Variants in UXS1 observed in about 807,000 individuals in gnomAD.
UXS1 encodes UDP-glucuronate decarboxylase 1.
Under a neutral mutation model 62.6 loss-of-function variants are expected in UXS1, and 33 were observed. That is an observed-to-expected ratio of 0.53 (90% CI 0.40 to 0.70). The LOEUF (loss-of-function observed/expected upper bound fraction) is 0.70, where lower values mean the gene tolerates loss of function less well. UXS1 is among the 30% of genes least tolerant of loss of function. UXS1 has a pLI of 0.00. For synonymous variants in UXS1, 213 were observed against 206.8 expected, an observed-to-expected ratio of 1.03 and a Z score of -0.26; for missense variants, 434 against 556.3, an observed-to-expected ratio of 0.78 and a Z score of 2.21.
chr2:106,173,718 T>A (rs1027356775), intron 1 of UXS1, among the ~76,000 whole-genome samples: 1 of 152,248 alleles, frequency 6.6e-6, no homozygotes, highest in Non-Finnish European at 1.5e-5. Context: ...CACAACTTTA[T>A]TGAAGGACAC....
chr2:106,102,104 T>G (rs1356834989), intron 11 of UXS1: 1 of 152,256 alleles, frequency 6.6e-6, no homozygotes, highest in Non-Finnish European at 1.5e-5. Context: ...TTCTGCGTTT[T>G]CCTTTACGAC....
At chr2:106,193,776 C>T (rs1229996800) in intron 1 of UXS1, among the ~76,000 whole-genome samples, 1 of 152,136 alleles carries the variant, frequency 6.6e-6, no homozygotes, top group Non-Finnish European at 1.5e-5. Flanking sequence ...CCAAGGGTAT[C>T]CCCACGCGGC....
Position 106,122,987 on chromosome 2 carries a change from A to G in UXS1, c.742T>C (p.Tyr248His). Reference protein sequence around the residue: ...EGKRVAETMCYAYMKQEGVEV... With the variant: ...EGKRVAETMCHAYMKQEGVEV... ...TGAAATACCTGCTTCATGTAGGCAT[A>G]GCACATGGTCTCTGCAACACGTTTG... Residue 248 changes from tyrosine to histidine, a missense_variant, in exon 9 of 15, where the codon TAT becomes CAT. By Grantham distance (83) the Tyr-to-His change is moderately conservative (BLOSUM62 2). Transcript: ENST00000283148. 3.1e-6 allele frequency: 5 copies of G among 1,613,910 alleles called. No homozygotes were observed. Among genetic ancestry groups the G allele is most frequent in the Non-Finnish European group, 4.2e-6 (5 of 1,179,824 alleles).
In UXS1 at chr2:106,094,113, A is replaced by T. The variant is rs1010666517; in HGVS notation, c.1191T>A (p.Arg397=). Residue 397 remains arginine, a synonymous_variant, in exon 15 of 15, where the codon CGT becomes CGA. Coordinates refer to ENST00000283148, the MANE Select transcript of UXS1 (RefSeq NM_001253875.2). The stretch of plus-strand genomic sequence containing the variant: ...TATTTGCCTGGTACTCGAGTTCTTT[A>T]CGGAAGTAGTGAATTGCTTTGTTTA... The part of the protein sequence containing the change: ...EGLNKAIHYF[R]KELEYQANNQ... The T allele has an allele frequency of 6.2e-7, 1 of 1,612,506 alleles. No homozygotes were observed. Among genetic ancestry groups the T allele is most frequent in the Non-Finnish European group, 8.5e-7 (1 of 1,179,764 alleles).
intron 1 of UXS1, among the ~76,000 whole-genome samples, 175 bp downstream of exon 1, chr2:106,193,973 C>A (rs1685105497): frequency 6.6e-6 from 1 of 151,960 alleles, no homozygotes; most frequent in Admixed American, 6.5e-5. Context: ...CCCAAGTTGG[C>A]CCGCTTTGCT....
rs140550697 is a variant in UXS1, at chr2:106,100,124, G to A, written c.984+934C>T. On this transcript the variant is annotated intron_variant, in intron 12 of 14. Coordinates refer to ENST00000283148, the MANE Select transcript of UXS1 (RefSeq NM_001253875.2). ...GAGAAGCACCTGAAATGACCCCAAG[G>A]TAGGGTTAAGGGGGAGGTCTCTGTG... Among the ~76,000 whole-genome samples, 94 of 152,358 alleles carry A rather than the reference G, an allele frequency of 6.2e-4. 1 individual carries two copies. In the East Asian group the frequency reaches 0.017, roughly 28 times the overall value.
chr2:106,130,193 A>C lies in UXS1; in HGVS notation c.473-415T>G, dbSNP rs138365984. On this transcript the variant is annotated intron_variant, in intron 6 of 14. Coordinates refer to ENST00000283148, the MANE Select transcript of UXS1 (RefSeq NM_001253875.2). ...CCAAAGACACAGAACTATGGGAGAA[A>C]GTAGCCTCTCGTTTGTTTTTATGCA... Among the ~76,000 whole-genome samples the C allele has an allele frequency of 4.8e-3, 728 of 152,234 alleles. 8 individuals carry two copies. Among genetic ancestry groups the C allele is most frequent in the African/African-American group, 0.017 (704 of 41,518 alleles).
chr2:106,110,974 G>A (rs767263657), intron 10 of UXS1, among the ~76,000 whole-genome samples: 1 of 152,162 alleles, frequency 6.6e-6, no homozygotes, highest in African/African-American at 2.4e-5. Context: ...GCTGGGACAG[G>A]CAGGAGCAAG....
intron 14 of UXS1, among the ~76,000 whole-genome samples, chr2:106,096,390 T>C (rs562451890): frequency 4.6e-4 from 70 of 152,308 alleles, no homozygotes; most frequent in African/African-American, 1.6e-3. Flanking sequence ...TGTGAGTGTG[T>C]GGGAGACAGT....
At chr2:106,192,050 G>A (rs1684966976) in intron 1 of UXS1, among the ~76,000 whole-genome samples, 1 of 152,202 alleles carries the variant, frequency 6.6e-6, no homozygotes, top group Non-Finnish European at 1.5e-5. Context: ...TGAGGTGGGA[G>A]ACAAGCAGTC....
rs148559297 is a variant in UXS1 at position 106,146,223 on chromosome 2, G to A, written c.292-853C>T. On this transcript the variant is annotated intron_variant, in intron 5 of 14. Transcript: ENST00000283148. Reference sequence around the variant, plus strand: ...AAAAGAATAGGCTCAGAAAACAGACGTGCCATGCACAACTCAATTCTCTAG... The same window carrying A: ...AAAAGAATAGGCTCAGAAAACAGACATGCCATGCACAACTCAATTCTCTAG... Among the ~76,000 whole-genome samples, 91 of 152,310 alleles carry A rather than the reference G, an allele frequency of 6.0e-4. 1 individual carries two copies. In the East Asian group the frequency reaches 0.016, roughly 26 times the overall value.
intron 6 of UXS1, among the ~76,000 whole-genome samples, chr2:106,131,055 T>G (rs1210985755): frequency 6.7e-6 from 1 of 149,856 alleles, no homozygotes; most frequent in African/African-American, 2.5e-5. Context: ...GCGCGCACCG[T>G]GCGCGAGCCG....
intron 1 of UXS1, among the ~76,000 whole-genome samples, chr2:106,191,399 C>T (rs979516766): frequency 6.6e-6 from 1 of 152,230 alleles, no homozygotes; most frequent in African/African-American, 2.4e-5. Context: ...ACACAGACAT[C>T]ACGGTTGAGG....
chr2:106,098,068 T>C (rs1433492907), intron 13 of UXS1, among the ~76,000 whole-genome samples: 1 of 152,244 alleles, frequency 6.6e-6, no homozygotes, highest in Non-Finnish European at 1.5e-5. Flanking sequence ...TTGGCCTACC[T>C]GCCAGTCTAG....
intron 9 of UXS1, among the ~76,000 whole-genome samples, chr2:106,121,086 C>A (rs187602395): frequency 6.6e-6 from 1 of 152,262 alleles, no homozygotes; most frequent in South Asian, 2.1e-4. Context: ...ACAGATGACA[C>A]GAACGGGTCC....
At chr2:106,096,226 G>C (rs572776314) in intron 14 of UXS1, among the ~76,000 whole-genome samples, 2 of 152,258 alleles carry the variant, frequency 1.3e-5, no homozygotes, top group African/African-American at 4.8e-5. Context: ...GAGAGGGAGT[G>C]TATGTGTGAA....
At chr2:106,113,754 G>C (rs1348884079) in intron 9 of UXS1, among the ~76,000 whole-genome samples, 1 of 152,220 alleles carries the variant, frequency 6.6e-6, no homozygotes, top group African/African-American at 2.4e-5. Flanking sequence ...TGAGGACCTG[G>C]GCTCTGCTTC....
At chr2:106,110,818 C>T (rs1251176575) in intron 10 of UXS1, among the ~76,000 whole-genome samples, 2 of 152,262 alleles carry the variant, frequency 1.3e-5, no homozygotes, top group African/African-American at 2.4e-5. Context: ...CTGAAAAATT[C>T]GTATTTCAGT....
At chr2:106,139,544 A>C (rs1680931159) in intron 6 of UXS1, among the ~76,000 whole-genome samples, 1 of 152,160 alleles carries the variant, frequency 6.6e-6, no homozygotes, top group African/African-American at 2.4e-5. Flanking sequence ...GGAAGAAAAA[A>C]ATCACCATAG....
Sources: allele counts gnomAD v4.1 joint callset (sites outside exome capture counted in the v4.1 genomes callset), GRCh38; gene constraint gnomAD v4.1.1; transcripts MANE v1.5; gene names NCBI Gene and HGNC (gene_info 2026-07-23, HGNC 2026-07-21).